HMGN5: variants seen among roughly 807,000 people sequenced by gnomAD.
The protein encoded by HMGN5 is high mobility group nucleosome binding domain 5.
HMGN5 carries 4 observed loss-of-function variants against 9.5 expected under a neutral mutation model. The ratio of observed to expected loss-of-function variants is 0.42; its 90% confidence interval spans 0.21 to 0.96. HMGN5 has a LOEUF of 0.96. HMGN5 is among the 40% of genes least tolerant of loss of function. The probability of loss-of-function intolerance (pLI) is 0.30; values close to 1 mark genes in which losing one functional copy is unlikely to be tolerated. For synonymous variants in HMGN5, 55 were observed against 57.1 expected, an observed-to-expected ratio of 0.96 and a Z score of 0.16; for missense variants, 192 against 187.5, an observed-to-expected ratio of 1.02 and a Z score of -0.14.
At chrX:81,153,629 ATATATATATATG>A (rs1462617845) in intron 1 of HMGN5, among the ~76,000 whole-genome samples, 2 of 46,966 alleles carry the variant, frequency 4.3e-5, no homozygotes, top group African/African-American at 1.7e-4. Flanking sequence ...ATATATATAT[ATATATATATATG>A]TATCTCCTTG....
At position 81,114,621 on chromosome X, in the gene HMGN5, C is replaced by A. The variant is rs1189089071; in HGVS notation, c.*28G>T. Reference sequence around the variant, plus strand: ...CTTTACAACATGAAGGTACATGTTACCAAATTATGAAACTACATAGGGCAG... The same window carrying A: ...CTTTACAACATGAAGGTACATGTTAACAAATTATGAAACTACATAGGGCAG... On this transcript the variant is annotated 3_prime_UTR_variant, in exon 7 of 7. Transcript: ENST00000358130. 9.4e-7 allele frequency: 1 copy of A among 1,065,425 alleles called. No homozygotes were observed. Among genetic ancestry groups the A allele is most frequent in the Non-Finnish European group, 1.2e-6 (1 of 824,679 alleles). The allele number at this position is 1,065,425 out of a possible 1,213,427, so 87.8% of individuals were successfully genotyped here.
intron 1 of HMGN5, among the ~76,000 whole-genome samples, chrX:81,183,051 G>A (rs1266053497): frequency 8.9e-6 from 1 of 111,917 alleles, no homozygotes; most frequent in Non-Finnish European, 1.9e-5. Flanking sequence ...AAACGTATTG[G>A]TCACTTCTGT....
chrX:81,198,308 T>A (rs763410867), intron 1 of HMGN5, among the ~76,000 whole-genome samples: 31 of 110,067 alleles, frequency 2.8e-4, no homozygotes, highest in Non-Finnish European at 5.9e-4. Context: ...AATTGCTAAC[T>A]TTTTTTTTAG....
intron 1 of HMGN5, among the ~76,000 whole-genome samples, chrX:81,180,098 C>T (rs1416461919): frequency 8.9e-6 from 1 of 111,769 alleles, no homozygotes; most frequent in Non-Finnish European, 1.9e-5. Flanking sequence ...ACCATAAAAA[C>T]CCTAGAAGAA....
At chrX:81,193,004 G>A (rs996799929) in intron 1 of HMGN5, among the ~76,000 whole-genome samples, 1 of 111,395 alleles carries the variant, frequency 9.0e-6, no homozygotes, top group East Asian at 2.8e-4. Flanking sequence ...ACTTTGAGAT[G>A]AAAATGTGGT....
chrX:81,169,422 C>A (rs779396473), intron 1 of HMGN5, among the ~76,000 whole-genome samples: 1 of 111,450 alleles, frequency 9.0e-6, no homozygotes, highest in South Asian at 3.8e-4. Context: ...TATCCTCAAC[C>A]ACTGTTCCAC....
chrX:81,126,993 CT>C (rs1468162205), intron 1 of HMGN5, among the ~76,000 whole-genome samples: 1 of 111,215 alleles, frequency 9.0e-6, no homozygotes, highest in African/African-American at 3.3e-5. Context: ...ATGAAATAGA[CT>C]TTTAAAATCT....
At chrX:81,122,738 C>G (rs2075272788) in intron 1 of HMGN5, among the ~76,000 whole-genome samples, 1 of 111,915 alleles carries the variant, frequency 8.9e-6, no homozygotes, top group African/African-American at 3.3e-5. Flanking sequence ...TAGCGTCACT[C>G]TAGTCCCAGC....
chrX:81,191,377 C>T (rs1330952604), intron 1 of HMGN5, among the ~76,000 whole-genome samples: 1 of 111,848 alleles, frequency 8.9e-6, no homozygotes, highest in African/African-American at 3.2e-5. Context: ...TTTAATATTT[C>T]ACCACTAAGT....
chrX:81,117,607 A>C (rs756110788), intron 5 of HMGN5, among the ~76,000 whole-genome samples: 86 of 111,305 alleles, frequency 7.7e-4, no homozygotes, highest in Non-Finnish European at 1.4e-3. Context: ...TAAGTTGAAT[A>C]TTTAACCTTA....
chrX:81,167,747 A>G (rs1362839551), intron 1 of HMGN5, among the ~76,000 whole-genome samples: 1 of 112,322 alleles, frequency 8.9e-6, no homozygotes, highest in Non-Finnish European at 1.9e-5. Flanking sequence ...TATGTAAGGG[A>G]AGTAGAAACA....
intron 1 of HMGN5, among the ~76,000 whole-genome samples, chrX:81,149,800 C>A (rs2075355831): frequency 8.9e-6 from 1 of 111,843 alleles, no homozygotes; most frequent in Non-Finnish European, 1.9e-5. Context: ...AAAACTATAA[C>A]AAGAGACAAA....
chrX:81,140,543 G>C (rs1405645422), intron 1 of HMGN5, among the ~76,000 whole-genome samples: 2 of 83,499 alleles, frequency 2.4e-5, no homozygotes, highest in Non-Finnish European at 4.5e-5. Flanking sequence ...CTTGGCGACA[G>C]AGCGAGACTC....
intron 1 of HMGN5, among the ~76,000 whole-genome samples, chrX:81,188,600 A>G (rs984231984): frequency 9.1e-6 from 1 of 109,743 alleles, no homozygotes; most frequent in African/African-American, 3.3e-5. Context: ...TACATTAGTT[A>G]TATCTCCTAA....
At chrX:81,125,610 G>A (rs956498288) in intron 1 of HMGN5, among the ~76,000 whole-genome samples, 1 of 111,817 alleles carries the variant, frequency 8.9e-6, no homozygotes, top group African/African-American at 3.3e-5. Context: ...TATTTTTCCA[G>A]TGGTAAAAGT....
intron 1 of HMGN5, among the ~76,000 whole-genome samples, chrX:81,201,120 A>G (rs1446733050): frequency 9.0e-6 from 1 of 111,183 alleles, no homozygotes; most frequent in Admixed American, 9.5e-5. Flanking sequence ...AGGCAAAGAC[A>G]GTAAACCACT....
chrX:81,170,175 G>A (rs1259734392), intron 1 of HMGN5, among the ~76,000 whole-genome samples: 1 of 109,971 alleles, frequency 9.1e-6, no homozygotes, highest in Non-Finnish European at 1.9e-5. Flanking sequence ...GGCATAGGAG[G>A]CATTACTACA....
chrX:81,149,955 T>C (rs1403009595), intron 1 of HMGN5, among the ~76,000 whole-genome samples: 2 of 111,818 alleles, frequency 1.8e-5, no homozygotes, highest in Non-Finnish European at 3.8e-5. Flanking sequence ...CATACAGTCA[T>C]AGCTGAAGAC....
intron 1 of HMGN5, among the ~76,000 whole-genome samples, chrX:81,176,363 G>T (rs1163277751): frequency 9.0e-6 from 1 of 111,624 alleles, no homozygotes; most frequent in Non-Finnish European, 1.9e-5. Flanking sequence ...CTAAAAATCA[G>T]AGGAGCACCT....
Sources: gnomAD v4.1 joint callset for allele counts (sites outside exome capture counted in the v4.1 genomes callset) on GRCh38, gnomAD v4.1.1 for gene constraint, MANE v1.5 for transcripts, NCBI Gene and HGNC (gene_info 2026-07-23, HGNC 2026-07-21) for gene names.